PIEZO1: variants seen among roughly 807,000 people sequenced by gnomAD.
The protein encoded by PIEZO1 is piezo-type mechanosensitive ion channel component 1.
In PIEZO1, 296 loss-of-function variants were observed where a neutral mutation model predicts 297.2. The ratio of observed to expected loss-of-function variants is 1.00; its 90% CI spans 0.91 to 1.10. The LOEUF (loss-of-function observed/expected upper bound fraction) is 1.10, where lower values mean the gene tolerates loss of function less well. Ranked by LOEUF, PIEZO1 falls within the 50% of genes least tolerant of loss-of-function variation. The pLI, the probability that PIEZO1 is intolerant of heterozygous loss-of-function variation, is 0.00. For synonymous variants in PIEZO1, 2,427 were observed against 1,507.5 expected, an observed-to-expected ratio of 1.61 and a Z score of -14.13; for missense variants, 5,018 against 3,455.5, an observed-to-expected ratio of 1.45 and a Z score of -11.34.
chr16:88,751,110 A>AGGCCC (rs1396008348), intron 1 of PIEZO1, among the ~76,000 whole-genome samples: 1 of 152,076 alleles, frequency 6.6e-6, no homozygotes, highest in African/African-American at 2.4e-5. Context: ...TTCTGGAGGG[A>AGGCCC]GGCCCAGCCC....
rs568259631 is a variant in PIEZO1 at position 88,732,576 on chromosome 16, C to T, written c.2790+31G>A. 4,087 of 1,542,870 alleles carry T rather than the reference C, an allele frequency of 2.6e-3. 6 individuals carry two copies. The highest frequency in any genetic ancestry group is 3.1e-3 in the Non-Finnish European group (3,567 of 1,141,256). ...GTCAGGGGGCAGCCGGGTACTCGCC[C>T]GCCCAGCCGCCCACCAGCCCTTCAA... is the stretch of plus-strand genomic sequence containing the variant. On this transcript the variant is annotated intron_variant, in intron 20 of 50. Transcript: ENST00000301015.
At chr16:88,771,025 CTA>C (rs951146073) in intron 1 of PIEZO1, among the ~76,000 whole-genome samples, 2 of 152,190 alleles carry the variant, frequency 1.3e-5, no homozygotes, top group African/African-American at 2.4e-5. Flanking sequence ...CAGCTCCACC[CTA>C]TCACGTCTTG....
intron 23 of PIEZO1, among the ~76,000 whole-genome samples, 155 bp from the exon 24 acceptor site, chr16:88,727,347 A>T (rs540826497): frequency 6.6e-6 from 1 of 152,098 alleles, no homozygotes; most frequent in East Asian, 1.9e-4. Flanking sequence ...TCCCTGGGGG[A>T]GCCCCGGTGT....
At chr16:88,774,899 G>A (rs1907589384) in intron 1 of PIEZO1, among the ~76,000 whole-genome samples, 1 of 152,222 alleles carries the variant, frequency 6.6e-6, no homozygotes, top group Admixed American at 6.5e-5. Context: ...TACCAGGCCT[G>A]GGAATTAACC....
At position 88,733,604 on chromosome 16, in the gene PIEZO1, C is replaced by A; in HGVS notation, c.2471G>T (p.Trp824Leu). 6.5e-7 allele frequency: 1 copy of A among 1,546,836 alleles called. No homozygotes were observed. Among genetic ancestry groups the A allele is most frequent in the African/African-American group, 1.4e-5 (1 of 73,104 alleles). The change falls in exon 18 of 51, where the codon TGG (tryptophan) becomes TTG (leucine). Residue 824 changes from tryptophan (W) to leucine (L), a missense_variant. Transcript: ENST00000301015. ...VFKLVALYTV[W>L]VALKEVSVMN... The stretch of plus-strand genomic sequence containing the variant: ...CACACTCACCTCCTTCAGGGCCACC[C>A]AGACGGTGTACAGGGCCACCAGCTT...
rs561397138 is a variant in PIEZO1, at chr16:88,722,025, G to T, written c.4997C>A (p.Ala1666Glu). 2 of 1,548,214 alleles carry T rather than the reference G, an allele frequency of 1.3e-6. No individual in the cohort carries two copies. The highest frequency in any genetic ancestry group is 1.7e-6 in the Non-Finnish European group (2 of 1,146,594). ...CCGCAGCGCCCGGCCCTGCCCCTCCGCAAACAGCTCTGCCTCCTCCAGCTC... is the reference window on the plus strand; with the variant it reads ...CCGCAGCGCCCGGCCCTGCCCCTCCTCAAACAGCTCTGCCTCCTCCAGCTC... Reference protein sequence around the residue: ...IPELEEAELFAEGQGRALRLL... With the variant: ...IPELEEAELFEEGQGRALRLL... Residue 1666 changes from alanine to glutamate, a missense_variant, in exon 37 of 51, where the codon GCG becomes GAG. Physicochemically the swap from Ala to Glu is moderately radical, Grantham distance 107. Coordinates refer to ENST00000301015, the MANE Select transcript of PIEZO1 (RefSeq NM_001142864.4).
At chr16:88,723,355 C>A in intron 31 of PIEZO1, 27 bp from the exon 32 acceptor site, 11 of 1,535,640 alleles carry the variant, frequency 7.2e-6, no homozygotes, top group South Asian at 2.4e-5. Context: ...GGGTTAGGAC[C>A]CGGCCTCCCG....
At chr16:88,733,025 C>G (rs1210283429) in intron 19 of PIEZO1, 8 of 582,794 alleles carry the variant, frequency 1.4e-5, no homozygotes, top group Non-Finnish European at 2.1e-5. Context: ...GGGTGGGGCC[C>G]TCCCGTCCTC....
At chr16:88,719,429 TG>T in intron 44 of PIEZO1, 144 bp downstream of exon 44, 2 of 688,468 alleles carry the variant, frequency 2.9e-6, no homozygotes, top group Non-Finnish European at 4.9e-6. Flanking sequence ...GATCAGCTAG[TG>T]GGTGGGCTCG....
chr16:88,723,405 C>G, intron 31 of PIEZO1, 77 bp from the exon 32 acceptor site: 2 of 1,493,958 alleles, frequency 1.3e-6, no homozygotes, highest in Middle Eastern at 2.1e-4. Context: ...TTGGGCAAGC[C>G]GGGCGCCAGA....
intron 10 of PIEZO1, chr16:88,737,091 G>A (rs986855892): frequency 3.3e-5 from 8 of 243,478 alleles, no homozygotes; most frequent in South Asian, 1.5e-4. Flanking sequence ...GGAAAATCAA[G>A]GGTTAGGGTA....
In PIEZO1 at chr16:88,737,352, G is replaced by C; in HGVS notation, c.1195+207C>G. ...CCACTCAGCTGCCCTGGGGGTCTTG[G>C]GGGTTGGTCAGTGACATGGCCACTC... On this transcript the variant is annotated intron_variant, in intron 10 of 50. Transcript: ENST00000301015. 1.5e-5 allele frequency: 8 copies of C among 543,614 alleles called. No homozygotes were observed. In the South Asian group the frequency reaches 1.7e-4, roughly 12 times the overall value. 33.7% of individuals were successfully genotyped at this position (543,614 alleles called of 1,614,324 possible).
At chr16:88,772,011 G>A (rs1266219947) in intron 1 of PIEZO1, among the ~76,000 whole-genome samples, 1 of 63,832 alleles carries the variant, frequency 1.6e-5, no homozygotes, top group South Asian at 6.0e-4. Flanking sequence ...ATCCACCCGC[G>A]GCCCCAGGCC....
chr16:88,775,206 A>G (rs1430812440), intron 1 of PIEZO1, among the ~76,000 whole-genome samples: 2 of 152,228 alleles, frequency 1.3e-5, no homozygotes, highest in Non-Finnish European at 2.9e-5. Context: ...CTGGAAGGTG[A>G]GCAGGATTGC....
At chr16:88,723,817 C>G (rs1904303058) in intron 31 of PIEZO1, 54 bp downstream of exon 31, 18 of 970,380 alleles carry the variant, frequency 1.9e-5, no homozygotes, top group Non-Finnish European at 2.7e-5. Context: ...TGCCCTGGTC[C>G]AGGACCACAA....
At chr16:88,733,059 G>A (rs1457780646) in intron 19 of PIEZO1, 14 of 589,832 alleles carry the variant, frequency 2.4e-5, no homozygotes, top group Admixed American at 3.0e-5. Context: ...CTGGGACTCC[G>A]CCCCTACTGG....
intron 30 of PIEZO1, 43 bp downstream of exon 30, chr16:88,724,966 G>C: frequency 2.4e-6 from 3 of 1,252,988 alleles, no homozygotes; most frequent in Middle Eastern, 2.5e-4. Flanking sequence ...TGGGGGCACA[G>C]AGGGCCTGAG....
At chr16:88,749,615 G>A (rs920796707) in intron 1 of PIEZO1, 136 bp from the exon 2 acceptor site, 13 of 652,092 alleles carry the variant, frequency 2.0e-5, no homozygotes, top group South Asian at 7.9e-5. Flanking sequence ...AGCCAGAGCC[G>A]TGGAAGCCGC....
rs1906266156 is a variant in PIEZO1 at position 88,749,418 on chromosome 16, G to GGGCAGC, written c.120_125dup (p.Leu41_Pro42dup). 1 of 1,523,728 alleles carries GGGCAGC rather than the reference G, an allele frequency of 6.6e-7. No individual in the cohort carries two copies. Among genetic ancestry groups the GGGCAGC allele is most frequent in the African/African-American group, 1.4e-5 (1 of 72,162 alleles). 94.4% of individuals were successfully genotyped at this position (1,523,728 alleles called of 1,614,324 possible). ...CGCATCGGGTGGGGCCGGGGAACCA[G>GGGCAGC]GGCAGCAGCAGCAGGAAGAGCAGGT... is the stretch of plus-strand genomic sequence containing the variant. On this transcript the variant is annotated inframe_insertion, in exon 2 of 51. Coordinates refer to ENST00000301015, the MANE Select transcript of PIEZO1 (RefSeq NM_001142864.4).
Sources: allele counts gnomAD v4.1 joint callset (sites outside exome capture counted in the v4.1 genomes callset), GRCh38; gene constraint gnomAD v4.1.1; transcripts MANE v1.5; gene names NCBI Gene and HGNC (gene_info 2026-07-23, HGNC 2026-07-21).